Variants in TSPAN11 observed in about 807,000 individuals in gnomAD.
TSPAN11 encodes tetraspanin 11, also known as tetraspanin-11.
A neutral mutation model predicts 32.9 loss-of-function variants in TSPAN11; 29 were observed. The observed-to-expected ratio is 0.88, with a 90% CI of 0.66 to 1.20. The LOEUF (loss-of-function observed/expected upper bound fraction) is 1.20. TSPAN11 is among the 50% of genes most tolerant of loss of function. TSPAN11 has a pLI of 0.00. For synonymous variants in TSPAN11, 140 were observed against 141.3 expected (o/e 0.99, Z 0.07); for missense variants, 283 against 329.1 (o/e 0.86, Z 1.08).
chr12:30,977,532 G>C (rs1361008828), intron 3 of TSPAN11, among the ~76,000 whole-genome samples: 2 of 152,102 alleles, frequency 1.3e-5, no homozygotes, highest in Non-Finnish European at 2.9e-5. Context: ...CATCAGTAGT[G>C]CTCCCCCTCT....
At chr12:30,969,932 G>C (rs1938815105) in intron 3 of TSPAN11, among the ~76,000 whole-genome samples, 1 of 152,174 alleles carries the variant, frequency 6.6e-6, no homozygotes, top group Admixed American at 6.5e-5. Context: ...ATTGGATTTG[G>C]TCAGAGGCTC....
intron 1 of TSPAN11, among the ~76,000 whole-genome samples, chr12:30,928,289 TC>T (rs1405412785): frequency 1.3e-5 from 2 of 152,216 alleles, no homozygotes; most frequent in African/African-American, 4.8e-5. Context: ...AACTTGCTTT[TC>T]TTTTTATGCC....
At chr12:30,931,326 A>C (rs1171652118) in intron 1 of TSPAN11, among the ~76,000 whole-genome samples, 1 of 152,192 alleles carries the variant, frequency 6.6e-6, no homozygotes, top group African/African-American at 2.4e-5. Context: ...TAGTGTGTTT[A>C]AAAAGCTCAG....
intron 2 of TSPAN11, 36 bp downstream of exon 2, chr12:30,954,111 GCACT>G (rs1938436680): frequency 6.6e-7 from 1 of 1,511,916 alleles, no homozygotes; most frequent in Non-Finnish European, 9.2e-7. Context: ...TCTTCCCCGA[GCACT>G]GAATGAGTCA....
At chr12:30,979,467 T>G in intron 4 of TSPAN11, 99 bp from the exon 5 acceptor site, 1 of 1,049,522 alleles carries the variant, frequency 9.5e-7, no homozygotes, top group Non-Finnish European at 1.5e-6. Context: ...CAGTCCGCAG[T>G]GTTCTAGAAT....
At chr12:30,935,392 T>G (rs1938024003) in intron 1 of TSPAN11, among the ~76,000 whole-genome samples, 1 of 148,624 alleles carries the variant, frequency 6.7e-6, no homozygotes, top group African/African-American at 2.5e-5. Flanking sequence ...TTTTTTTTTT[T>G]TTTTTTTGGA....
At chr12:30,959,633 A>G (rs1211815785) in intron 2 of TSPAN11, among the ~76,000 whole-genome samples, 1 of 152,042 alleles carries the variant, frequency 6.6e-6, no homozygotes, top group African/African-American at 2.4e-5. Context: ...TACAAAAATT[A>G]GCCAGGCGTG....
chr12:30,927,084 G>T (rs751927016), intron 1 of TSPAN11: 20 of 1,251,754 alleles, frequency 1.6e-5, no homozygotes, highest in Non-Finnish European at 2.1e-5. Flanking sequence ...CTTGTGCCTT[G>T]GGAGAGAGCT....
intron 3 of TSPAN11, among the ~76,000 whole-genome samples, chr12:30,969,816 A>G (rs1363134374): frequency 6.6e-6 from 1 of 152,030 alleles, no homozygotes. Context: ...TGAGAAGGGG[A>G]GGAGGGAAAA....
At chr12:30,972,621 G>A (rs1276208288) in intron 3 of TSPAN11, among the ~76,000 whole-genome samples, 1 of 152,134 alleles carries the variant, frequency 6.6e-6, no homozygotes, top group African/African-American at 2.4e-5. Flanking sequence ...GTACAACAGT[G>A]CCTTACCTAG....
intron 2 of TSPAN11, among the ~76,000 whole-genome samples, chr12:30,960,336 C>T (rs1330945428): frequency 6.6e-6 from 1 of 151,958 alleles, no homozygotes; most frequent in African/African-American, 2.4e-5. Context: ...GCATTTCCCG[C>T]ATCCTGAGCC....
In TSPAN11 at chr12:30,949,336, T is replaced by C. The variant is rs990100208; in HGVS notation, c.-11-4645T>C. Among the ~76,000 whole-genome samples, 4 of 152,246 alleles carry C rather than the reference T, an allele frequency of 2.6e-5. No homozygotes were observed. In the South Asian group the frequency reaches 8.3e-4, roughly 32 times the overall value. On this transcript the variant is annotated intron_variant, in intron 1 of 7. Transcript: ENST00000546076. ...TTACTATATTAGTCCATTTTCACACTGCTGATAAAGATGTACCCGAGACTG... is the reference window on the plus strand; with the variant it reads ...TTACTATATTAGTCCATTTTCACACCGCTGATAAAGATGTACCCGAGACTG...
chr12:30,957,237 C>G (rs1038983782), intron 2 of TSPAN11, among the ~76,000 whole-genome samples: 11 of 147,286 alleles, frequency 7.5e-5, no homozygotes, highest in Middle Eastern at 3.5e-3. Flanking sequence ...GACCCCCCCC[C>G]CCCCCACACC....
chr12:30,952,595 T>A (rs531165908), intron 1 of TSPAN11, among the ~76,000 whole-genome samples: 31 of 152,092 alleles, frequency 2.0e-4, no homozygotes, highest in Non-Finnish European at 3.5e-4. Context: ...GAGCTTGAAA[T>A]AAGAGGCAGA....
chr12:30,962,794 C>T (rs2140292081), intron 2 of TSPAN11, among the ~76,000 whole-genome samples: 1 of 152,278 alleles, frequency 6.6e-6, no homozygotes, highest in Middle Eastern at 3.4e-3. Flanking sequence ...GGGCAGAAGT[C>T]CACATTCCCA....
intron 4 of TSPAN11, 186 bp downstream of exon 4, chr12:30,978,821 T>C (rs1939028185): frequency 1.7e-6 from 1 of 600,458 alleles, no homozygotes; most frequent in Non-Finnish European, 3.0e-6. Context: ...AATTCTGTGC[T>C]GCATCTGTGG....
chr12:30,945,305 C>T (rs1938244960), intron 1 of TSPAN11, among the ~76,000 whole-genome samples: 1 of 152,162 alleles, frequency 6.6e-6, no homozygotes, highest in African/African-American at 2.4e-5. Flanking sequence ...GCCTATGGCC[C>T]ATCCTCCATG....
chr12:31,009,425 G>A, the TSPAN11 span, among the ~76,000 whole-genome samples: 1 of 152,328 alleles, frequency 6.6e-6, no homozygotes, highest in East Asian at 1.9e-4. Context: ...CTGCATGAGG[G>A]CAGGAGCCTC....
At chr12:30,996,657 T>C (rs1939422810), downstream of TSPAN11, 2 of 152,140 alleles carry the variant, frequency 1.3e-5, no homozygotes, top group Admixed American at 1.3e-4. Context: ...ATCAGTTCAT[T>C]AAATGTACCA....
Sources: gnomAD v4.1 joint callset for allele counts (sites outside exome capture counted in the v4.1 genomes callset) on GRCh38, gnomAD v4.1.1 for gene constraint, MANE v1.5 for transcripts, NCBI Gene and HGNC (gene_info 2026-07-23, HGNC 2026-07-21) for gene names.